TEAD3: variants seen among roughly 807,000 people sequenced by gnomAD.
The protein encoded by TEAD3 is transcriptional enhancer factor TEF-5.
A neutral mutation model predicts 55.6 loss-of-function variants in TEAD3; 15 were observed. The observed-to-expected ratio is 0.27, with a 90% CI of 0.18 to 0.42. TEAD3 has a LOEUF of 0.42. Among genes scored for constraint, TEAD3 ranks in the 10% least tolerant of loss-of-function variants. The probability of loss-of-function intolerance (pLI) is 1.00; values close to 1 mark genes in which losing one functional copy is unlikely to be tolerated. For synonymous variants in TEAD3, 210 were observed against 232.2 expected (o/e 0.90, Z 0.87); for missense variants, 407 against 576.8 (o/e 0.71, Z 3.01).
chr6:35,491,115 G>C lies in TEAD3; in HGVS notation c.-49-4404C>G, dbSNP rs146864407. 1.8e-4 allele frequency among the ~76,000 whole-genome samples: 28 copies of C among 152,096 alleles called. No homozygotes were observed. Among genetic ancestry groups the C allele is most frequent in the Non-Finnish European group, 3.8e-4 (26 of 67,982 alleles). ...GAGAAAACAGACCAGAGACAGGAGA[G>C]TCCCAGTGAGTGACAGACAGAAAGC... On this transcript the variant is annotated intron_variant, in intron 1 of 12. Transcript: ENST00000639578. The surrounding 1 kb of genome is among the most constrained non-coding windows in gnomAD (Gnocchi z 4.4).
rs201816773 is a variant in TEAD3, at chr6:35,486,412, G to C, written c.202+49C>G. The C allele has an allele frequency of 1.7e-4, 268 of 1,570,154 alleles. No homozygotes were observed. The Middle Eastern group carries it at 5.3e-3, about 31-fold the overall frequency. On this transcript the variant is annotated intron_variant, in intron 2 of 12. Coordinates refer to ENST00000639578, the Ensembl canonical transcript of TEAD3. This position sits in a 1 kb window ranked among gnomAD's most constrained non-coding sequence, Gnocchi z 7.3. ...ACCAAACCGGTTGGGTGAGAGGGCA[G>C]AGAGCAGGGGGAAGGGCCGCAGTCC...
intron 8 of TEAD3, among the ~76,000 whole-genome samples, chr6:35,476,653 AAC>A (rs1444804304): frequency 2.0e-5 from 3 of 152,262 alleles, no homozygotes; most frequent in African/African-American, 7.2e-5. Context: ...TTAAACAGAA[AAC>A]ACAGAGAAGT....
At chr6:35,473,776 G>A (rs1768083992), downstream of TEAD3, 1 of 152,428 alleles carries the variant, frequency 6.6e-6, no homozygotes, top group African/African-American at 2.4e-5. Flanking sequence ...AACCTAGGTG[G>A]GGTTTGGAGG....
At position 35,475,081 on chromosome 6, in the gene TEAD3, C is replaced by A; in HGVS notation, c.1271G>T (p.Gly424Val). ...GAGCTTGTAGACATGGTGCTGGGCCCCGTGCTCACTGGTGGAGACTTCGAA... is the reference window on the plus strand; with the variant it reads ...GAGCTTGTAGACATGGTGCTGGGCCACGTGCTCACTGGTGGAGACTTCGAA... Residue 424 changes from glycine (G) to valine (V), a missense_variant, in exon 13 of 13, where the codon GGG (glycine) becomes GTG (valine). Physicochemically the swap from Gly to Val is moderately radical, Grantham distance 109. Coordinates refer to ENST00000639578, the Ensembl canonical transcript of TEAD3. This position sits in a 1 kb window ranked among gnomAD's most constrained non-coding sequence, Gnocchi z 5.4. 6.3e-7 allele frequency: 1 copy of A among 1,597,972 alleles called. No individual in the cohort carries two copies.
chr6:35,480,470 T>A, intron 3 of TEAD3, 96 bp from the exon 4 acceptor site: 1 of 1,300,832 alleles, frequency 7.7e-7, no homozygotes, highest in Non-Finnish European at 1.1e-6. Flanking sequence ...CCCAGACCTC[T>A]CATCTCTAGG....
At chr6:35,477,794 T>G (rs1561803817) in intron 7 of TEAD3, among the ~76,000 whole-genome samples, 1 of 148,862 alleles carries the variant, frequency 6.7e-6, no homozygotes, top group Non-Finnish European at 1.5e-5. Context: ...AGAGAATGCA[T>G]AGTGAACAGC....
chr6:35,479,352 T>C (rs1288302917), intron 4 of TEAD3, 36 bp from the exon 5 acceptor site: 4 of 1,613,762 alleles, frequency 2.5e-6, no homozygotes, highest in Non-Finnish European at 2.5e-6. Flanking sequence ...TTAGAGGACA[T>C]GTGCAGCACC....
Position 35,475,533 on chromosome 6 carries a change from AG to A in TEAD3, c.1041+32del, listed in dbSNP as rs767700545. The A allele has an allele frequency of 6.2e-7, 1 of 1,603,990 alleles. No individual in the cohort carries two copies. The highest frequency in any genetic ancestry group is 1.7e-5 in the Admixed American group (1 of 59,644). On this transcript the variant is annotated intron_variant, in intron 11 of 12. Coordinates refer to ENST00000639578, the Ensembl canonical transcript of TEAD3. This position sits in a 1 kb window ranked among gnomAD's most constrained non-coding sequence, Gnocchi z 5.4. ...GGCGTCACTCGGCCTGCCTGCTCCC[AG>A]CCCCACCAAGCCACCCAGAGCCCCC...
At chr6:35,480,136 A>G (rs4711417) in intron 3 of TEAD3, 176 bp downstream of exon 4, 15,700 of 1,547,306 alleles carry the variant, frequency 0.01, 211 homozygotes, top group East Asian at 0.065. Flanking sequence ...TAGAGAGAGA[A>G]AGAAAGAGAA....
At chr6:35,482,015 C>G (rs190701159) in intron 3 of TEAD3, among the ~76,000 whole-genome samples, 1 of 152,194 alleles carries the variant, frequency 6.6e-6, no homozygotes, top group Non-Finnish European at 1.5e-5. Flanking sequence ...GATGGAGTCT[C>G]GCTCTGTCAC....
At chr6:35,492,630 G>C (rs1355952592) in intron 1 of TEAD3, among the ~76,000 whole-genome samples, 1 of 143,522 alleles carries the variant, frequency 7.0e-6, no homozygotes, top group East Asian at 2.1e-4. Context: ...GCTTATTAAT[G>C]TGCTTCCAAT....
chr6:35,475,276 GC>G lies in TEAD3; in HGVS notation c.1194+59del. 1 of 1,606,740 alleles carries G rather than the reference GC, an allele frequency of 6.2e-7. No individual in the cohort carries two copies. The highest frequency in any genetic ancestry group is 1.1e-5 in the South Asian group (1 of 90,248). On this transcript the variant is annotated intron_variant, in intron 12 of 12. Transcript: ENST00000639578. This position sits in a 1 kb window ranked among gnomAD's most constrained non-coding sequence, Gnocchi z 5.4. Reference sequence around the variant, plus strand: ...GCCTCTCAGCCAAGCGATGTGTCTGGCTACCCAACTTGGAGGCCCTGGCCTG... The same window carrying G: ...GCCTCTCAGCCAAGCGATGTGTCTGGTACCCAACTTGGAGGCCCTGGCCTG...
rs559332785 is a variant in TEAD3, at chr6:35,485,331, G to A, written c.203-707C>T. ...GAGAGCCTTGTGAGCCTTGGGGTGC[G>A]GGGTCTGTTCTGCACCACAGACCCT... On this transcript the variant is annotated intron_variant, in intron 2 of 12. Transcript: ENST00000639578. The surrounding 1 kb of genome is among the most constrained non-coding windows in gnomAD (Gnocchi z 4.3). 1.3e-5 allele frequency among the ~76,000 whole-genome samples: 2 copies of A among 151,884 alleles called. No individual in the cohort carries two copies. Among genetic ancestry groups the A allele is most frequent in the Admixed American group, 6.5e-5 (1 of 15,280 alleles).
In TEAD3 at chr6:35,475,768, A is replaced by G; in HGVS notation, c.901-62T>C. 6.6e-7 allele frequency: 1 copy of G among 1,523,832 alleles called. No individual in the cohort carries two copies. The highest frequency in any genetic ancestry group is 8.8e-7 in the Non-Finnish European group (1 of 1,136,714). The allele number at this position is 1,523,832 out of a possible 1,614,324, so 94.4% of individuals were successfully genotyped here. ...AGACCAGAAGTATTCCCGCCACACC[A>G]CATCAGAGTCCTGCCCAAGGATCCA... On this transcript the variant is annotated intron_variant, in intron 10 of 12. Transcript: ENST00000639578. This position sits in a 1 kb window ranked among gnomAD's most constrained non-coding sequence, Gnocchi z 5.4.
rs1034079268 is a variant in TEAD3, at chr6:35,491,602, G to A, written c.-49-4891C>T. Among the ~76,000 whole-genome samples the A allele has an allele frequency of 1.1e-4, 16 of 152,138 alleles. No individual in the cohort carries two copies. The highest frequency in any genetic ancestry group is 3.6e-4 in the African/African-American group (15 of 41,434). ...ACCCCTCCCATCTGCCTCTGCAGAG[G>A]AGTCCTGTTGTACCTGTCCTGCAAA... On this transcript the variant is annotated intron_variant, in intron 1 of 12. Transcript: ENST00000639578. This position sits in a 1 kb window ranked among gnomAD's most constrained non-coding sequence, Gnocchi z 4.4.
chr6:35,475,721 G>A lies in TEAD3; in HGVS notation c.901-15C>T. The A allele has an allele frequency of 1.3e-6, 2 of 1,570,458 alleles. No individual in the cohort carries two copies. The highest frequency in any genetic ancestry group is 2.3e-5 in the East Asian group (1 of 44,428). ...TTGAGGTCGGCCTGGGCATGGGGGTGGGGGGTGTTAGGTGCTGGCAGAGAC... is the reference window on the plus strand; with the variant it reads ...TTGAGGTCGGCCTGGGCATGGGGGTAGGGGGTGTTAGGTGCTGGCAGAGAC... On this transcript the variant is annotated splice_polypyrimidine_tract_variant and intron_variant, in intron 10 of 12. Transcript: ENST00000639578. The surrounding 1 kb of genome is among the most constrained non-coding windows in gnomAD (Gnocchi z 5.4).
At chr6:35,493,777 G>A (rs150941190) in intron 1 of TEAD3, among the ~76,000 whole-genome samples, 4 of 152,328 alleles carry the variant, frequency 2.6e-5, no homozygotes, top group East Asian at 3.9e-4. Context: ...ACACGCGCCC[G>A]CGCGCTCACA....
At position 35,479,270 on chromosome 6, in the gene TEAD3, C is replaced by A. The variant is rs1469737754; in HGVS notation, c.342+35G>T. 2.5e-6 allele frequency: 4 copies of A among 1,611,758 alleles called. No individual in the cohort carries two copies. In the African/African-American group the frequency reaches 5.3e-5, roughly 22 times the overall value. On this transcript the variant is annotated intron_variant, in intron 5 of 12. Transcript: ENST00000639578. ...CCTGTATTAGGTGTTAAGACCCTTT[C>A]CCCCACTCCCACTGGGGAGGGCTGT...
intron 3 of TEAD3, among the ~76,000 whole-genome samples, chr6:35,481,989 T>C (rs1768275743): frequency 6.6e-6 from 1 of 152,208 alleles, no homozygotes; most frequent in Non-Finnish European, 1.5e-5. Context: ...CCAAAAGTAA[T>C]TTTTTCTTTT....
Sources: gnomAD v4.1 joint callset for allele counts (sites outside exome capture counted in the v4.1 genomes callset) on GRCh38, gnomAD v4.1.1 for gene constraint, Gnocchi (gnomAD v3.1) non-coding constraint, MANE v1.5 for transcripts, NCBI Gene and HGNC (gene_info 2026-07-23, HGNC 2026-07-21) for gene names.